Variants in IQGAP2 observed in about 807,000 individuals in gnomAD.
The protein encoded by IQGAP2 is ras GTPase-activating-like protein IQGAP2.
In IQGAP2, 173 loss-of-function variants were observed where a neutral mutation model predicts 201.3. The ratio of observed to expected loss-of-function variants is 0.86; its 90% CI spans 0.76 to 0.98. The LOEUF (loss-of-function observed/expected upper bound fraction) is 0.98. Ranked by LOEUF, IQGAP2 falls within the 50% of genes least tolerant of loss-of-function variation. The probability of loss-of-function intolerance (pLI) is 0.00; values close to 1 mark genes in which losing one functional copy is unlikely to be tolerated. For synonymous variants in IQGAP2, 675 were observed against 673.9 expected, an observed-to-expected ratio of 1.00 and a Z score of -0.03; for missense variants, 1,687 against 1,864.8, an observed-to-expected ratio of 0.90 and a Z score of 1.76.
chr5:76,488,956 G>A (rs1374704494), intron 2 of IQGAP2, among the ~76,000 whole-genome samples: 1 of 152,214 alleles, frequency 6.6e-6, no homozygotes, highest in Non-Finnish European at 1.5e-5. Context: ...GTCCTGTGAT[G>A]TAGGTGTTGT....
intron 21 of IQGAP2, among the ~76,000 whole-genome samples, chr5:76,661,068 G>T (rs573097470): frequency 6.6e-6 from 1 of 152,134 alleles, no homozygotes; most frequent in South Asian, 2.1e-4. Context: ...TTTTTCTTTG[G>T]GTGATAGTTA....
intron 1 of IQGAP2, among the ~76,000 whole-genome samples, chr5:76,419,460 C>T (rs1751601233): frequency 1.3e-5 from 2 of 151,972 alleles, no homozygotes; most frequent in Non-Finnish European, 2.9e-5. Flanking sequence ...CCTCAGCCTC[C>T]CAAGTAGCTG....
At chr5:76,685,657 C>G (rs1186706816) in intron 30 of IQGAP2, among the ~76,000 whole-genome samples, 3 of 151,796 alleles carry the variant, frequency 2.0e-5, no homozygotes, top group Non-Finnish European at 2.9e-5. Context: ...GTTTGCCTTA[C>G]CCATTACCCA....
chr5:76,596,010 A>G (rs537014233), intron 9 of IQGAP2, among the ~76,000 whole-genome samples: 1 of 152,290 alleles, frequency 6.6e-6, no homozygotes, highest in South Asian at 2.1e-4. Context: ...CATTAATTTT[A>G]AAGATAGAAA....
chr5:76,677,062 G>C, intron 27 of IQGAP2, 156 bp from the exon 28 acceptor site: 1 of 655,320 alleles, frequency 1.5e-6, no homozygotes, highest in Non-Finnish European at 2.5e-6. Context: ...AGCTCCGACA[G>C]CCAGGAGCCA....
chr5:76,459,214 AATATT>A (rs1754281879), intron 1 of IQGAP2, among the ~76,000 whole-genome samples: 1 of 152,178 alleles, frequency 6.6e-6, no homozygotes, highest in Non-Finnish European at 1.5e-5. Flanking sequence ...GGGCTGGTAC[AATATT>A]GCATGGTTTG....
rs182876129 is a variant in IQGAP2, at chr5:76,538,672, C to T, written c.147-23724C>T. On this transcript the variant is annotated intron_variant, in intron 2 of 35. Transcript: ENST00000274364. The stretch of plus-strand genomic sequence containing the variant: ...TTTAACTTTCTCTAGGCACTGCTTA[C>T]CACTGTGCCCTGTTAAATCCCCCCT... Among the ~76,000 whole-genome samples the T allele has an allele frequency of 4.0e-3, 603 of 152,302 alleles. 2 individuals are homozygous for T. The highest frequency in any genetic ancestry group is 6.6e-3 in the Non-Finnish European group (452 of 68,022).
intron 1 of IQGAP2, among the ~76,000 whole-genome samples, chr5:76,406,470 GT>G (rs1750801087): frequency 6.6e-6 from 1 of 152,202 alleles, no homozygotes; most frequent in Non-Finnish European, 1.5e-5. Context: ...GTGATAGTAG[GT>G]AGCTGTTTAA....
intron 22 of IQGAP2, among the ~76,000 whole-genome samples, chr5:76,666,977 C>A (rs887520135): frequency 1.3e-5 from 2 of 152,134 alleles, no homozygotes; most frequent in Non-Finnish European, 2.9e-5. Flanking sequence ...AACACCTGAG[C>A]TCAAGTGATC....
At chr5:76,604,553 C>G (rs892211074) in intron 11 of IQGAP2, among the ~76,000 whole-genome samples, 10 of 151,898 alleles carry the variant, frequency 6.6e-5, no homozygotes, top group African/African-American at 2.4e-4. Context: ...TTGTTCATTT[C>G]TAAAGAAATG....
In IQGAP2 at chr5:76,654,218, A is replaced by T. The variant is rs199567785; in HGVS notation, c.2197A>T (p.Met733Leu). Residue 733 changes from methionine to leucine, a missense_variant, in exon 19 of 36, where the codon ATG becomes TTG. Met to Leu is a conservative substitution (Grantham distance 15, BLOSUM62 2). Transcript: ENST00000274364. ...CTTTCAGATTCAGTCCTGGTTCCGA[A>T]TGGCAACTGCAAGAAAGAGCTATCT... is the stretch of plus-strand genomic sequence containing the variant. ...SIVKIQSWFR[M>L]ATARKSYLSR... The T allele has an allele frequency of 5.6e-6, 9 of 1,610,072 alleles. No homozygotes were observed. Among genetic ancestry groups the T allele is most frequent in the Non-Finnish European group, 1.7e-6 (2 of 1,178,120 alleles).
intron 1 of IQGAP2, among the ~76,000 whole-genome samples, chr5:76,443,533 A>C (rs1002004728): frequency 1.3e-5 from 2 of 151,288 alleles, no homozygotes; most frequent in East Asian, 1.9e-4. Context: ...AGAGAGTATG[A>C]GTTTCAGAAT....
At chr5:76,583,874 A>T (rs920648207) in intron 5 of IQGAP2, among the ~76,000 whole-genome samples, 82 of 147,748 alleles carry the variant, frequency 5.5e-4, no homozygotes, top group African/African-American at 1.9e-3. Context: ...GGTAGAGAAA[A>T]TTTTTTTTTT....
intron 2 of IQGAP2, among the ~76,000 whole-genome samples, chr5:76,472,982 CTG>C (rs1166739340): frequency 1.3e-5 from 2 of 152,190 alleles, no homozygotes; most frequent in East Asian, 1.9e-4. Flanking sequence ...CACAACCACT[CTG>C]TGGGAAGGAG....
At chr5:76,441,676 AC>A (rs1247121516) in intron 1 of IQGAP2, 1 of 202,692 alleles carries the variant, frequency 4.9e-6, no homozygotes, top group Non-Finnish European at 8.7e-6. Flanking sequence ...TTACTTTTCT[AC>A]CTTTTGGTTA....
chr5:76,429,249 TTTTA>T (rs1752192976), intron 1 of IQGAP2, among the ~76,000 whole-genome samples: 1 of 151,948 alleles, frequency 6.6e-6, no homozygotes, highest in Non-Finnish European at 1.5e-5. Flanking sequence ...TCTTTTTAGT[TTTTA>T]TTCCTGTTTT....
chr5:76,565,887 C>A (rs1744713625), intron 3 of IQGAP2, among the ~76,000 whole-genome samples: 1 of 152,088 alleles, frequency 6.6e-6, no homozygotes, highest in Non-Finnish European at 1.5e-5. Flanking sequence ...TGGGTCCCAC[C>A]CCAGACTACT....
chr5:76,600,642 T>C (rs1747366959), intron 10 of IQGAP2, among the ~76,000 whole-genome samples, 170 bp from the exon 11 acceptor site: 1 of 152,236 alleles, frequency 6.6e-6, no homozygotes, highest in South Asian at 2.1e-4. Context: ...CCAGGAGCCA[T>C]ATACCTGTTC....
chr5:76,434,460 C>G (rs1252633643), intron 1 of IQGAP2, among the ~76,000 whole-genome samples: 1 of 152,152 alleles, frequency 6.6e-6, no homozygotes, highest in African/African-American at 2.4e-5. Flanking sequence ...TTTTCCATTC[C>G]TGAGTTACTT....
Sources: gnomAD v4.1 joint callset for allele counts (sites outside exome capture counted in the v4.1 genomes callset) on GRCh38, gnomAD v4.1.1 for gene constraint, MANE v1.5 for transcripts, NCBI Gene and HGNC (gene_info 2026-07-23, HGNC 2026-07-21) for gene names.